Variants in RALGAPA1 observed in about 807,000 individuals in gnomAD.
RALGAPA1 encodes the protein ral GTPase-activating protein subunit alpha-1.
A neutral mutation model predicts 269.6 loss-of-function variants in RALGAPA1; 52 were observed. The ratio of observed to expected loss-of-function variants is 0.19; its 90% CI spans 0.15 to 0.24. RALGAPA1 has a LOEUF of 0.24. Among genes scored for constraint, RALGAPA1 ranks in the 10% least tolerant of loss-of-function variants. RALGAPA1 has a pLI of 1.00. For missense variants in RALGAPA1, 1,917 were observed against 3,013.9 expected (o/e 0.64, Z 8.52); for synonymous variants, 817 against 1,008.3 (o/e 0.81, Z 3.60).
At chr14:35,583,538 A>G (rs1370381862) in intron 37 of RALGAPA1, among the ~76,000 whole-genome samples, 1 of 152,226 alleles carries the variant, frequency 6.6e-6, no homozygotes, top group Non-Finnish European at 1.5e-5. Context: ...AACAGAAGCA[A>G]TATTTGAAGC....
At chr14:35,721,989 A>G (rs1262444866) in intron 15 of RALGAPA1, 140 bp from the exon 16 acceptor site, 5 of 634,180 alleles carry the variant, frequency 7.9e-6, no homozygotes, top group Non-Finnish European at 1.3e-5. Flanking sequence ...GTGTACTGTA[A>G]GGCTTTTATG....
At chr14:35,628,681 G>T (rs2061141867) in intron 33 of RALGAPA1, among the ~76,000 whole-genome samples, 1 of 152,146 alleles carries the variant, frequency 6.6e-6, no homozygotes, top group Non-Finnish European at 1.5e-5. Context: ...AATTTAAACA[G>T]CAAGTCAGTA....
chr14:35,784,782 C>T (rs897093902), intron 1 of RALGAPA1, among the ~76,000 whole-genome samples: 4 of 152,190 alleles, frequency 2.6e-5, no homozygotes, highest in African/African-American at 9.6e-5. Context: ...ATTACCTTCA[C>T]ATTTATGCAG....
At position 35,689,259 on chromosome 14, in the gene RALGAPA1, A is replaced by C. The variant is rs2066266197; in HGVS notation, c.3152T>G (p.Leu1051Ter). The change falls in exon 18 of 42, where the codon TTA becomes TGA. Residue 1051 changes from leucine (L) to a stop codon, truncating the protein, a stop_gained. Transcript: ENST00000680220. LOFTEE classifies it high-confidence loss of function. ...NTDKQPSEPS[L>*]DSPCDKEKRK... Reference sequence around the variant, plus strand: ...TTTTTCTTTATCACAAGGGCTATCTAAACTAGGCTCTGATGGCTGTTTATC... The same window carrying C: ...TTTTTCTTTATCACAAGGGCTATCTCAACTAGGCTCTGATGGCTGTTTATC... 4 of 1,232,224 alleles carry C rather than the reference A, an allele frequency of 3.2e-6. No individual in the cohort carries two copies. The highest frequency in any genetic ancestry group is 4.0e-6 in the Non-Finnish European group (4 of 988,148). 76.3% of individuals were successfully genotyped at this position (1,232,224 alleles called of 1,614,324 possible). A position where few individuals can be genotyped will look rare whatever the true frequency, so the allele number is the denominator to read the frequency against.
At chr14:35,714,211 T>C (rs2068610436) in intron 16 of RALGAPA1, among the ~76,000 whole-genome samples, 1 of 151,908 alleles carries the variant, frequency 6.6e-6, no homozygotes, top group African/African-American at 2.4e-5. Context: ...ATTTCGAGAG[T>C]GTTTTTCAAA....
chr14:35,640,816 T>C (rs1292290327), intron 31 of RALGAPA1, among the ~76,000 whole-genome samples: 1 of 152,178 alleles, frequency 6.6e-6, no homozygotes, highest in Non-Finnish European at 1.5e-5. Context: ...TGAACATTGA[T>C]GCAAAAATCC....
intron 35 of RALGAPA1, among the ~76,000 whole-genome samples, chr14:35,624,156 C>CAAAAAAAAAAAAAAAAAAAAAAA (rs377171729): frequency 4.6e-5 from 1 of 21,842 alleles, no homozygotes; most frequent in African/African-American, 1.1e-4. Flanking sequence ...TAATACAACG[C>CAAAAAAAAAAAAAAAAAAAAAAA]AAAAAAAAAA....
chr14:35,591,924 A>T (rs2058663972), intron 37 of RALGAPA1, among the ~76,000 whole-genome samples: 1 of 152,108 alleles, frequency 6.6e-6, no homozygotes, highest in Non-Finnish European at 1.5e-5. Context: ...AAAGTGTGGC[A>T]CTTCCCCTTT....
intron 1 of RALGAPA1, among the ~76,000 whole-genome samples, chr14:35,790,678 A>G (rs1400383158): frequency 4.9e-5 from 7 of 144,022 alleles, no homozygotes; most frequent in Non-Finnish European, 1.0e-4. Context: ...ACAAGAAGAG[A>G]CTGTCTAAAA....
intron 39 of RALGAPA1, among the ~76,000 whole-genome samples, chr14:35,565,705 TACA>T (rs1040545556): frequency 1.3e-5 from 2 of 152,196 alleles, no homozygotes; most frequent in African/African-American, 4.8e-5. Context: ...CCCTCACTAC[TACA>T]ACATGATTAT....
At chr14:35,707,564 T>C (rs185103521) in intron 16 of RALGAPA1, 3 of 152,356 alleles carry the variant, frequency 2.0e-5, no homozygotes, top group African/African-American at 7.2e-5. Flanking sequence ...GATGTGATCA[T>C]ATGGCTTTTC....
rs1003953174 is a variant in RALGAPA1 at position 35,708,440 on chromosome 14, A to G, written c.2267-8138T>C. Reference sequence around the variant, plus strand: ...TTAATAATCCAATTAAAAATGGACAAAAGATCGATAGACATTTCTCAAGAG... The same window carrying G: ...TTAATAATCCAATTAAAAATGGACAGAAGATCGATAGACATTTCTCAAGAG... On this transcript the variant is annotated intron_variant, in intron 16 of 41. Transcript: ENST00000680220. Among the ~76,000 whole-genome samples the G allele has an allele frequency of 2.3e-4, 35 of 152,300 alleles. 1 individual carries two copies. Among genetic ancestry groups the G allele is most frequent in the African/African-American group, 8.4e-4 (35 of 41,580 alleles).
At chr14:35,642,148 A>G (rs2062074234) in intron 31 of RALGAPA1, among the ~76,000 whole-genome samples, 1 of 152,206 alleles carries the variant, frequency 6.6e-6, no homozygotes, top group Non-Finnish European at 1.5e-5. Flanking sequence ...AACTACTACA[A>G]GAAAACATTG....
chr14:35,750,039 G>C (rs1272729931), intron 9 of RALGAPA1, among the ~76,000 whole-genome samples: 1 of 152,028 alleles, frequency 6.6e-6, no homozygotes, highest in African/African-American at 2.4e-5. Context: ...GTATTGCTTT[G>C]TAATTTTATA....
chr14:35,649,798 C>T (rs557297638), intron 31 of RALGAPA1, among the ~76,000 whole-genome samples: 1 of 152,158 alleles, frequency 6.6e-6, no homozygotes, highest in South Asian at 2.1e-4. Context: ...ATTTGTGTCT[C>T]TAATTTTTAA....
intron 39 of RALGAPA1, among the ~76,000 whole-genome samples, chr14:35,554,757 T>C (rs1387248544): frequency 1.3e-5 from 2 of 152,206 alleles, no homozygotes; most frequent in Non-Finnish European, 1.5e-5. Context: ...CCATTCTACT[T>C]ATGTTATTGA....
chr14:35,657,676 C>CATAT (rs201294195), intron 28 of RALGAPA1, among the ~76,000 whole-genome samples: 12 of 143,088 alleles, frequency 8.4e-5, no homozygotes, highest in South Asian at 2.2e-4. Context: ...TGAGAAGCAA[C>CATAT]ATATATATAT....
intron 1 of RALGAPA1, among the ~76,000 whole-genome samples, chr14:35,795,814 CAAAAAAA>C (rs35882089): frequency 8.2e-6 from 1 of 122,288 alleles, no homozygotes; most frequent in Non-Finnish European, 1.8e-5. Flanking sequence ...ATTTCTCTAC[CAAAAAAA>C]AAAAAAAAAA....
At chr14:35,797,336 A>G (rs2076640008) in intron 1 of RALGAPA1, among the ~76,000 whole-genome samples, 1 of 125,682 alleles carries the variant, frequency 8.0e-6, no homozygotes, top group South Asian at 2.8e-4. Flanking sequence ...CTGGTGACAG[A>G]GCGAGACTCC....
Sources: allele counts gnomAD v4.1 joint callset (sites outside exome capture counted in the v4.1 genomes callset), GRCh38; gene constraint gnomAD v4.1.1; transcripts MANE v1.5; gene names NCBI Gene and HGNC (gene_info 2026-07-23, HGNC 2026-07-21).